C2orf80: variants seen among roughly 807,000 people sequenced by gnomAD.
C2orf80 encodes uncharacterized protein C2orf80.
A neutral mutation model predicts 30.2 loss-of-function variants in C2orf80; 28 were observed. The ratio of observed to expected loss-of-function variants is 0.93; its 90% confidence interval spans 0.69 to 1.27. The LOEUF (loss-of-function observed/expected upper bound fraction) is 1.27, where lower values mean the gene tolerates loss of function less well. Ranked by LOEUF, C2orf80 falls within the 50% of genes most tolerant of loss-of-function variation. The pLI, the probability that C2orf80 is intolerant of heterozygous loss-of-function variation, is 0.00. For synonymous variants in C2orf80, 80 were observed against 76.4 expected (o/e 1.05, Z -0.24); for missense variants, 220 against 231.0 (o/e 0.95, Z 0.31).
intron 6 of C2orf80, among the ~76,000 whole-genome samples, chr2:208,177,767 A>G (rs1179522702): frequency 2.6e-5 from 4 of 151,972 alleles, no homozygotes; most frequent in Non-Finnish European, 4.4e-5. Context: ...TGGTTGGTCC[A>G]CTTCTACATG....
intron 1 of C2orf80, 118 bp from the exon 2 acceptor site, chr2:208,187,179 G>A (rs77879034): frequency 0.01 from 5,618 of 550,672 alleles, 262 homozygotes; most frequent in African/African-American, 0.096. Context: ...CCTCTTACTC[G>A]GCAGGTTCAG....
chr2:208,173,120 CAAAAAA>C (rs57629811), intron 6 of C2orf80, among the ~76,000 whole-genome samples: 1 of 72,408 alleles, frequency 1.4e-5, no homozygotes, highest in Non-Finnish European at 2.5e-5. Context: ...AACCTCATCT[CAAAAAA>C]AAAAAAAAAA....
intron 2 of C2orf80, among the ~76,000 whole-genome samples, chr2:208,185,381 G>A (rs1392771651): frequency 2.0e-5 from 3 of 152,134 alleles, no homozygotes; most frequent in East Asian, 1.9e-4. Context: ...TTTGCTTCCC[G>A]TGTTAAATTC....
chr2:208,186,797 A>T, intron 2 of C2orf80, 149 bp downstream of exon 2: 1 of 715,412 alleles, frequency 1.4e-6, no homozygotes, highest in South Asian at 1.8e-5. Flanking sequence ...CAGGAAACCG[A>T]GAGAGGCCAG....
chr2:208,184,118 T>A (rs76941863), intron 3 of C2orf80, among the ~76,000 whole-genome samples: 1 of 152,222 alleles, frequency 6.6e-6, no homozygotes, highest in Non-Finnish European at 1.5e-5. Flanking sequence ...GATCCAAAGT[T>A]TGATGCCTTG....
intron 8 of C2orf80, among the ~76,000 whole-genome samples, 198 bp downstream of exon 8, chr2:208,170,747 T>G (rs774816617): frequency 6.6e-6 from 1 of 152,242 alleles, no homozygotes; most frequent in Non-Finnish European, 1.5e-5. Context: ...ATCATTATTC[T>G]TCCATTTTGC....
At chr2:208,182,812 G>C (rs562968136) in intron 4 of C2orf80, among the ~76,000 whole-genome samples, 153 bp downstream of exon 4, 1 of 152,182 alleles carries the variant, frequency 6.6e-6, no homozygotes, top group Non-Finnish European at 1.5e-5. Flanking sequence ...AACTGTTCAG[G>C]TTCCTCAGGT....
intron 3 of C2orf80, among the ~76,000 whole-genome samples, chr2:208,183,550 G>GT (rs1416509950): frequency 2.0e-5 from 3 of 152,110 alleles, no homozygotes; most frequent in Admixed American, 2.0e-4. Flanking sequence ...GCTTCCAGGG[G>GT]TACAGGGGCA....
At chr2:208,168,470 G>C (rs1457977339) in intron 8 of C2orf80, 1 of 231,142 alleles carries the variant, frequency 4.3e-6, no homozygotes, top group Admixed American at 5.8e-5. Context: ...TCAGGAGATC[G>C]AGACCACGGT....
chr2:208,165,908 T>C (rs1695873237), intron 8 of C2orf80, 93 bp from the exon 9 acceptor site: 1 of 779,534 alleles, frequency 1.3e-6, no homozygotes. Flanking sequence ...AGGTCAAATA[T>C]CAGATACTAA....
rs1491523140 is a variant in C2orf80 at position 208,173,144 on chromosome 2, A to AC, written c.367-1070dup. The stretch of plus-strand genomic sequence containing the variant: ...TCAAAAAAAAAAAAAAAAAAAAAAA[A>AC]CTCAAGTGCCTGAAATGGAAAAATA... On this transcript the variant is annotated intron_variant, in intron 6 of 8. Coordinates refer to ENST00000341287, the MANE Select transcript of C2orf80 (RefSeq NM_001099334.3). 7.8e-3 allele frequency among the ~76,000 whole-genome samples: 1,018 copies of AC among 131,152 alleles called. 41 individuals are homozygous for AC. Among genetic ancestry groups the AC allele is most frequent in the African/African-American group, 0.022 (753 of 34,318 alleles). 86.0% of individuals were successfully genotyped at this position (131,152 alleles called of 152,430 possible). A position where few individuals can be genotyped will look rare whatever the true frequency, so the allele number is the denominator to read the frequency against.
intron 2 of C2orf80, among the ~76,000 whole-genome samples, chr2:208,186,658 G>C (rs903952095): frequency 6.6e-6 from 1 of 152,166 alleles, no homozygotes; most frequent in Non-Finnish European, 1.5e-5. Flanking sequence ...GCCTACACAG[G>C]CTGACTGGGA....
At chr2:208,169,249 G>C (rs1696013182) in intron 8 of C2orf80, among the ~76,000 whole-genome samples, 1 of 75,424 alleles carries the variant, frequency 1.3e-5, no homozygotes, top group Non-Finnish European at 3.0e-5. Flanking sequence ...GTGTGTGTGT[G>C]ATTAAGTTTA....
At chr2:208,172,971 T>A (rs568127444) in intron 6 of C2orf80, among the ~76,000 whole-genome samples, 2 of 151,624 alleles carry the variant, frequency 1.3e-5, no homozygotes, top group Non-Finnish European at 2.9e-5. Context: ...ACAAAAAAAT[T>A]AAGCGAGTGT....
At chr2:208,187,658 G>T (rs1228604814) in intron 1 of C2orf80, among the ~76,000 whole-genome samples, 1 of 152,002 alleles carries the variant, frequency 6.6e-6, no homozygotes, top group Non-Finnish European at 1.5e-5. Context: ...TATTGAATGG[G>T]GTACACAGGG....
intron 7 of C2orf80, 114 bp downstream of exon 7, chr2:208,171,874 C>A: frequency 1.1e-6 from 1 of 911,046 alleles, no homozygotes; most frequent in Non-Finnish European, 1.8e-6. Flanking sequence ...TTAAATTCAA[C>A]CAGACATAGA....
chr2:208,165,705 T>C lies in C2orf80; in HGVS notation c.*102A>G, dbSNP rs1695864285. 3.2e-6 allele frequency: 5 copies of C among 1,542,180 alleles called. No individual in the cohort carries two copies. The highest frequency in any genetic ancestry group is 4.4e-6 in the Non-Finnish European group (5 of 1,133,108). ...TCAGTGCAGTTGTACCAAAAACAGT[T>C]GTAAAGAAAAATGTACTGGCAAGAG... On this transcript the variant is annotated 3_prime_UTR_variant, in exon 9 of 9. Coordinates refer to ENST00000341287, the MANE Select transcript of C2orf80 (RefSeq NM_001099334.3).
chr2:208,177,726 T>G (rs1052779184), intron 6 of C2orf80, among the ~76,000 whole-genome samples: 3 of 152,292 alleles, frequency 2.0e-5, no homozygotes, highest in East Asian at 1.9e-4. Context: ...CTTTAATGAA[T>G]AAATGAGTGA....
intron 4 of C2orf80, among the ~76,000 whole-genome samples, chr2:208,181,639 C>T (rs1696564578): frequency 6.6e-6 from 1 of 151,992 alleles, no homozygotes. Context: ...ACTACCTAAC[C>T]CCACTGTAAG....
Sources: gnomAD v4.1 joint callset for allele counts (sites outside exome capture counted in the v4.1 genomes callset) on GRCh38, gnomAD v4.1.1 for gene constraint, MANE v1.5 for transcripts, NCBI Gene and HGNC (gene_info 2026-07-23, HGNC 2026-07-21) for gene names.